Variants in ASCC1 observed in about 807,000 individuals in gnomAD.
ASCC1 encodes the protein ASC-1 complex subunit P50.
ASCC1 carries 35 observed loss-of-function variants against 46.6 expected under a neutral mutation model. The observed-to-expected ratio is 0.75, with a 90% CI of 0.57 to 0.99. The LOEUF is 0.99. ASCC1 is among the 50% of genes least tolerant of loss of function. The pLI is 0.00. For synonymous variants in ASCC1, 143 were observed against 146.6 expected (o/e 0.98, Z 0.18); for missense variants, 376 against 428.7 (o/e 0.88, Z 1.09).
rs577960057 is a variant in ASCC1 at position 72,184,737 on chromosome 10, G to T, written c.489+12074C>A. On this transcript the variant is annotated intron_variant, in intron 5 of 9. Coordinates refer to ENST00000672957, the MANE Select transcript of ASCC1 (RefSeq NM_001198800.3). ...AATCAGTATGGATACAGAGGTTGCA[G>T]TGAGCCAAGATCACGGCACTTCAGC... Among the ~76,000 whole-genome samples, 4 of 151,174 alleles carry T rather than the reference G, an allele frequency of 2.6e-5. No individual in the cohort carries two copies. In the East Asian group the frequency reaches 5.8e-4, roughly 22 times the overall value.
chr10:72,128,140 G>A lies in ASCC1; in HGVS notation c.899C>T (p.Ala300Val), dbSNP rs774939192. 57 of 1,613,472 alleles carry A rather than the reference G, an allele frequency of 3.5e-5. No individual in the cohort carries two copies. The highest frequency in any genetic ancestry group is 5.3e-5 in the African/African-American group (4 of 74,850). ...NAEGRYNLYT[A>V]EGKYIFKERE... ...TTCCTTGAAGATATATTTGCCTTCC[G>A]CTGTGTAGAGATTGTACCTGCCTTC... The change falls in exon 9 of 10, where the codon GCG becomes GTG. Residue 300 changes from alanine to valine, a missense_variant. By Grantham distance (64) the Ala-to-Val change is moderately conservative. Coordinates refer to ENST00000672957, the MANE Select transcript of ASCC1 (RefSeq NM_001198800.3).
At position 72,203,537 on chromosome 10, in the gene ASCC1, G is replaced by A. The variant is rs765970688; in HGVS notation, c.213-13C>T. The A allele has an allele frequency of 7.7e-6, 12 of 1,549,348 alleles. No homozygotes were observed. Among genetic ancestry groups the A allele is most frequent in the Non-Finnish European group, 1.1e-5 (12 of 1,122,822 alleles). ...TCCAACTATATGCCTGTAACATAAA[G>A]TAATTAAAAGAAGATTAAGTCAAAA... On this transcript the variant is annotated splice_polypyrimidine_tract_variant and intron_variant, in intron 3 of 9. Coordinates refer to ENST00000672957, the MANE Select transcript of ASCC1 (RefSeq NM_001198800.3).
intron 7 of ASCC1, among the ~76,000 whole-genome samples, chr10:72,152,398 C>T (rs925286925): frequency 1.1e-4 from 17 of 152,206 alleles, no homozygotes; most frequent in Admixed American, 8.5e-4. Flanking sequence ...GTATCCACTA[C>T]AACTGCATTA....
intron 9 of ASCC1, among the ~76,000 whole-genome samples, chr10:72,103,811 GTTTAT>G (rs1842062777): frequency 6.6e-6 from 1 of 152,066 alleles, no homozygotes; most frequent in Non-Finnish European, 1.5e-5. Context: ...CCTCCCCTCA[GTTTAT>G]TACCATTAGG....
intron 5 of ASCC1, among the ~76,000 whole-genome samples, chr10:72,165,015 T>C: frequency 6.6e-6 from 1 of 152,208 alleles, no homozygotes; most frequent in East Asian, 1.9e-4. Flanking sequence ...TTATTGATAG[T>C]ATACCCATAT....
At chr10:72,197,050 C>A in intron 4 of ASCC1, 61 bp from the exon 5 acceptor site, 1 of 1,515,140 alleles carries the variant, frequency 6.6e-7, no homozygotes, top group Non-Finnish European at 9.2e-7. Flanking sequence ...TAAAACAGGA[C>A]CTCTTGATAC....
At chr10:72,100,991 A>G (rs1841684938) in intron 9 of ASCC1, among the ~76,000 whole-genome samples, 4 of 152,174 alleles carry the variant, frequency 2.6e-5, no homozygotes, top group Admixed American at 2.6e-4. Flanking sequence ...TTGCCAAATT[A>G]TATTACTTCA....
At chr10:72,209,585 A>G (rs1228485246) in intron 3 of ASCC1, among the ~76,000 whole-genome samples, 1 of 152,044 alleles carries the variant, frequency 6.6e-6, no homozygotes, top group Non-Finnish European at 1.5e-5. Flanking sequence ...GTAGTTCGAG[A>G]CCAGCCTAGC....
intron 7 of ASCC1, among the ~76,000 whole-genome samples, chr10:72,141,118 G>GAT (rs1283095697): frequency 6.6e-6 from 1 of 151,834 alleles, no homozygotes; most frequent in Non-Finnish European, 1.5e-5. Context: ...TAGATATACA[G>GAT]ATATATATAG....
intron 5 of ASCC1, among the ~76,000 whole-genome samples, chr10:72,174,032 C>T (rs1406461837): frequency 6.6e-6 from 1 of 152,202 alleles, no homozygotes; most frequent in Middle Eastern, 3.2e-3. Context: ...TTCTTTATGA[C>T]TAAGTCACAA....
intron 7 of ASCC1, 95 bp from the exon 8 acceptor site, chr10:72,133,276 G>T: frequency 1.6e-6 from 2 of 1,282,206 alleles, no homozygotes; most frequent in Non-Finnish European, 2.3e-6. Context: ...TGTGCTCTGT[G>T]CTAATCACCA....
At chr10:72,149,169 T>C (rs1487846373) in intron 7 of ASCC1, among the ~76,000 whole-genome samples, 1 of 150,212 alleles carries the variant, frequency 6.7e-6, no homozygotes, top group Non-Finnish European at 1.5e-5. Flanking sequence ...CCGGGCACGG[T>C]GGCTCATGCC....
chr10:72,136,693 A>G (rs1331433357), intron 7 of ASCC1, among the ~76,000 whole-genome samples: 5 of 152,166 alleles, frequency 3.3e-5, no homozygotes, highest in African/African-American at 9.7e-5. Flanking sequence ...ACTCTTCACA[A>G]TCAATCTTGC....
intron 8 of ASCC1, among the ~76,000 whole-genome samples, chr10:72,130,838 C>A (rs1049611823): frequency 4.6e-5 from 7 of 152,148 alleles, no homozygotes; most frequent in African/African-American, 7.2e-5. Context: ...ATCGCAGATA[C>A]AGAATACTTC....
chr10:72,157,723 G>A (rs1484098378), intron 6 of ASCC1, among the ~76,000 whole-genome samples: 1 of 152,048 alleles, frequency 6.6e-6, no homozygotes, highest in African/African-American at 2.4e-5. Flanking sequence ...CACTTAAAAT[G>A]GTTATGATGG....
intron 5 of ASCC1, among the ~76,000 whole-genome samples, chr10:72,188,130 T>C (rs1853792167): frequency 6.8e-6 from 1 of 147,610 alleles, no homozygotes; most frequent in African/African-American, 2.5e-5. Flanking sequence ...TCTTTTTTTT[T>C]TTTTTTTTTT....
At chr10:72,120,018 C>T (rs1843998661) in intron 9 of ASCC1, among the ~76,000 whole-genome samples, 3 of 152,234 alleles carry the variant, frequency 2.0e-5, no homozygotes, top group African/African-American at 7.2e-5. Flanking sequence ...AGGCGGATCA[C>T]CTGAGGTCAG....
At chr10:72,097,548 C>T in intron 9 of ASCC1, 98 bp from the exon 10 acceptor site, 5 of 727,058 alleles carry the variant, frequency 6.9e-6, no homozygotes, top group Middle Eastern at 3.0e-4. Context: ...CCACAACAAT[C>T]CCAACAAATC....
chr10:72,141,038 T>TAGAC (rs1253371165), intron 7 of ASCC1, among the ~76,000 whole-genome samples: 19 of 76,932 alleles, frequency 2.5e-4, no homozygotes, highest in Admixed American at 1.2e-3. Flanking sequence ...AAATTGTTTA[T>TAGAC]AGATAGATAG....
Sources: allele counts gnomAD v4.1 joint callset (sites outside exome capture counted in the v4.1 genomes callset), GRCh38; gene constraint gnomAD v4.1.1; transcripts MANE v1.5; gene names NCBI Gene and HGNC (gene_info 2026-07-23, HGNC 2026-07-21).